MAGI2: variants seen among roughly 807,000 people sequenced by gnomAD.
MAGI2 encodes membrane associated guanylate kinase, WW and PDZ domain containing 2.
MAGI2 carries 35 observed loss-of-function variants against 133.3 expected under a neutral mutation model. The observed-to-expected ratio is 0.26, with a 90% CI of 0.20 to 0.35. The LOEUF (loss-of-function observed/expected upper bound fraction) is 0.35. Ranked by LOEUF, MAGI2 falls within the 10% of genes least tolerant of loss-of-function variation. The pLI, the probability that MAGI2 is intolerant of heterozygous loss-of-function variation, is 1.00. For synonymous variants in MAGI2, 729 were observed against 710.6 expected (o/e 1.03, Z -0.41); for missense variants, 1,636 against 1,863.4 (o/e 0.88, Z 2.25).
intron 18 of MAGI2, among the ~76,000 whole-genome samples, chr7:78,129,986 A>G (rs1821401784): frequency 6.6e-6 from 1 of 151,104 alleles, no homozygotes; most frequent in Non-Finnish European, 1.5e-5. Context: ...CTGAGCATCT[A>G]GAGTTCAAAG....
intron 20 of MAGI2, among the ~76,000 whole-genome samples, chr7:78,112,310 C>T (rs772151374): frequency 1.3e-5 from 2 of 152,092 alleles, no homozygotes; most frequent in East Asian, 1.9e-4. Context: ...TTGTCATCCA[C>T]GTTTGGTGAG....
intron 2 of MAGI2, among the ~76,000 whole-genome samples, chr7:78,727,024 T>C (rs1427404774): frequency 1.3e-5 from 2 of 152,168 alleles, no homozygotes; most frequent in African/African-American, 4.8e-5. Flanking sequence ...GCACTTTGTA[T>C]CAGCATTTGC....
chr7:78,141,024 A>G (rs2150556394), intron 16 of MAGI2, among the ~76,000 whole-genome samples: 1 of 152,322 alleles, frequency 6.6e-6, no homozygotes, highest in South Asian at 2.1e-4. Flanking sequence ...CGGGAAGGTC[A>G]TTCTGGGGAG....
chr7:78,123,427 G>A (rs1820660699), intron 20 of MAGI2, among the ~76,000 whole-genome samples: 1 of 152,082 alleles, frequency 6.6e-6, no homozygotes, highest in African/African-American at 2.4e-5. Context: ...ATTAGACACA[G>A]CAAGGGATCA....
chr7:78,832,396 T>C (rs909162801), intron 2 of MAGI2, among the ~76,000 whole-genome samples: 1 of 152,186 alleles, frequency 6.6e-6, no homozygotes, highest in Non-Finnish European at 1.5e-5. Context: ...AATCCTCCTT[T>C]ATAAGGAAAT....
intron 1 of MAGI2, chr7:79,412,275 T>A (rs1018348247): frequency 6.6e-6 from 1 of 152,138 alleles, no homozygotes; most frequent in Non-Finnish European, 1.5e-5. Context: ...CAGTAGTATT[T>A]CCAAGGGTCG....
intron 20 of MAGI2, among the ~76,000 whole-genome samples, chr7:78,111,569 C>T (rs943982817): frequency 6.6e-6 from 1 of 152,244 alleles, no homozygotes; most frequent in Non-Finnish European, 1.5e-5. Context: ...CTCCCCATGG[C>T]TCTCTTCTCT....
At chr7:78,938,936 G>A (rs538221394) in intron 2 of MAGI2, among the ~76,000 whole-genome samples, 7 of 152,164 alleles carry the variant, frequency 4.6e-5, no homozygotes, top group South Asian at 2.1e-4. Flanking sequence ...AGAGCCTACC[G>A]GTTGGAGTTA....
chr7:79,425,747 A>G (rs1405939933), intron 1 of MAGI2, among the ~76,000 whole-genome samples: 1 of 151,844 alleles, frequency 6.6e-6, no homozygotes, highest in African/African-American at 2.4e-5. Context: ...CGTGTTTACG[A>G]GTGACACATA....
chr7:78,858,054 T>C (rs1213013520), intron 2 of MAGI2, among the ~76,000 whole-genome samples: 1 of 152,224 alleles, frequency 6.6e-6, no homozygotes, highest in South Asian at 2.1e-4. Flanking sequence ...GTGTTTATAT[T>C]ATTCTCTGAT....
At chr7:79,446,270 A>G (rs1475162804) in intron 1 of MAGI2, among the ~76,000 whole-genome samples, 2 of 152,202 alleles carry the variant, frequency 1.3e-5, no homozygotes, top group African/African-American at 4.8e-5. Context: ...TACATATGTA[A>G]CTAACCTGCA....
In MAGI2 at chr7:78,120,381, C is replaced by T. The variant is rs180891654; in HGVS notation, c.3567+5313G>A. ...TTGTGCCACTGCACTCCAGCCCAGG[C>T]GACAGAGCAAGGCCCTGTCTCAAAA... On this transcript the variant is annotated intron_variant, in intron 20 of 21. Coordinates refer to ENST00000354212, the MANE Select transcript of MAGI2 (RefSeq NM_012301.4). Among the ~76,000 whole-genome samples the T allele has an allele frequency of 7.2e-5, 11 of 152,158 alleles. No homozygotes were observed. The East Asian group carries it at 1.5e-3, about 21-fold the overall frequency.
At chr7:79,137,057 C>T in intron 1 of MAGI2, among the ~76,000 whole-genome samples, 1 of 152,038 alleles carries the variant, frequency 6.6e-6, no homozygotes, top group East Asian at 1.9e-4. Context: ...TCTTGGCTCA[C>T]TGTAACCTCT....
chr7:79,102,693 G>T (rs1298186934), intron 1 of MAGI2, among the ~76,000 whole-genome samples: 1 of 152,048 alleles, frequency 6.6e-6, no homozygotes, highest in East Asian at 1.9e-4. Context: ...AAGTAGGGTG[G>T]AACATGAATA....
At chr7:79,124,945 C>A in intron 1 of MAGI2, 1 of 285,922 alleles carries the variant, frequency 3.5e-6, no homozygotes. Flanking sequence ...TGGATGCAGC[C>A]CTGAATTAAA....
At chr7:78,826,419 A>G (rs2151435034) in intron 2 of MAGI2, among the ~76,000 whole-genome samples, 1 of 151,970 alleles carries the variant, frequency 6.6e-6, no homozygotes, top group South Asian at 2.1e-4. Flanking sequence ...AAAGCTACAT[A>G]CTGTAGGATC....
rs185213349 is a variant in MAGI2 at position 78,209,347 on chromosome 7, C to T, written c.2048-8154G>A. Among the ~76,000 whole-genome samples the T allele has an allele frequency of 4.7e-4, 70 of 148,146 alleles. 1 individual carries two copies. Among genetic ancestry groups the T allele is most frequent in the Middle Eastern group, 3.5e-3 (1 of 282 alleles). ...CGCGATCTCGGCTCACTGCAAGCTC[C>T]GCCTTACGGGTTCAGGCCATTCTCC... On this transcript the variant is annotated intron_variant, in intron 10 of 21. Transcript: ENST00000354212.
chr7:78,818,964 G>A (rs1009039013), intron 2 of MAGI2, among the ~76,000 whole-genome samples: 1 of 152,016 alleles, frequency 6.6e-6, no homozygotes, highest in Non-Finnish European at 1.5e-5. Flanking sequence ...AATAGGTAAG[G>A]CAGCTATGGT....
intron 1 of MAGI2, among the ~76,000 whole-genome samples, chr7:79,427,549 A>G (rs942892223): frequency 5.9e-5 from 9 of 152,156 alleles, no homozygotes; most frequent in Non-Finnish European, 8.8e-5. Flanking sequence ...GTCCAGCAGA[A>G]TTTTCAGCAG....
Sources: allele counts gnomAD v4.1 joint callset (sites outside exome capture counted in the v4.1 genomes callset), GRCh38; gene constraint gnomAD v4.1.1; transcripts MANE v1.5; gene names NCBI Gene and HGNC (gene_info 2026-07-23, HGNC 2026-07-21).